The following ZNF618 variants were observed in gnomAD, a reference collection of about 807,000 sequenced individuals.
ZNF618 encodes zinc finger protein 618.
In ZNF618, 34 loss-of-function variants were observed where a neutral mutation model predicts 103.0. The ratio of observed to expected loss-of-function variants is 0.33; its 90% confidence interval spans 0.25 to 0.44. The LOEUF is 0.44. Ranked by LOEUF, ZNF618 falls within the 20% of genes least tolerant of loss-of-function variation. The pLI is 1.00. For missense variants in ZNF618, 1,059 were observed against 1,295.4 expected, an observed-to-expected ratio of 0.82 and a Z score of 2.80; for synonymous variants, 551 against 542.2, an observed-to-expected ratio of 1.02 and a Z score of -0.23.
chr9:114,017,046 T>C (rs924340680), intron 10 of ZNF618, among the ~76,000 whole-genome samples: 7 of 152,024 alleles, frequency 4.6e-5, no homozygotes, highest in African/African-American at 1.7e-4. Flanking sequence ...ATGATTGGGG[T>C]GAGGAGGGTG....
At chr9:113,988,280 C>A (rs781606985) in intron 2 of ZNF618, 41 bp from the exon 3 acceptor site, 29 of 1,578,558 alleles carry the variant, frequency 1.8e-5, no homozygotes, top group Non-Finnish European at 2.5e-5. Context: ...CTGTGTTGAT[C>A]TGGAGGAAGA....
At chr9:113,977,709 C>G (rs1367947277) in intron 2 of ZNF618, among the ~76,000 whole-genome samples, 2 of 152,158 alleles carry the variant, frequency 1.3e-5, no homozygotes, top group Non-Finnish European at 2.9e-5. Context: ...TTTAAAATGC[C>G]ATTAACACTG....
At chr9:113,887,744 T>A (rs1829214954) in intron 1 of ZNF618, among the ~76,000 whole-genome samples, 1 of 152,196 alleles carries the variant, frequency 6.6e-6, no homozygotes, top group Admixed American at 6.5e-5. Context: ...CCCAGGCGGG[T>A]AGCAGCAGTC....
chr9:114,047,812 CA>C lies in ZNF618; in HGVS notation c.1247-80del, dbSNP rs1274972912. 22 of 1,236,818 alleles carry C rather than the reference CA, an allele frequency of 1.8e-5. No homozygotes were observed. In the African/African-American group the frequency reaches 2.7e-4, roughly 15 times the overall value. The allele number at this position is 1,236,818 out of a possible 1,614,324, so 76.6% of individuals were successfully genotyped here. A position where few individuals can be genotyped will look rare whatever the true frequency, so the allele number is the denominator to read the frequency against. ...CCAATGGCCACATTCTGCTGTTACCCACCACACTCTAGTTCTCATCTCGTTC... is the reference window on the plus strand; with the variant it reads ...CCAATGGCCACATTCTGCTGTTACCCCCACACTCTAGTTCTCATCTCGTTC... On this transcript the variant is annotated intron_variant, in intron 13 of 14. Transcript: ENST00000374126.
At chr9:113,989,510 T>C (rs1839820917) in intron 3 of ZNF618, among the ~76,000 whole-genome samples, 1 of 152,204 alleles carries the variant, frequency 6.6e-6, no homozygotes, top group Non-Finnish European at 1.5e-5. Flanking sequence ...TCCTCATTCC[T>C]GGCGTGGAGG....
intron 1 of ZNF618, among the ~76,000 whole-genome samples, chr9:113,889,149 A>G (rs554297223): frequency 3.4e-4 from 52 of 152,262 alleles, no homozygotes; most frequent in South Asian, 1.4e-3. Flanking sequence ...TGGGCTAGGA[A>G]TTTGGCAGTG....
intron 9 of ZNF618, among the ~76,000 whole-genome samples, chr9:114,013,575 C>T (rs1428587406): frequency 4.6e-5 from 7 of 152,274 alleles, no homozygotes; most frequent in Middle Eastern, 3.4e-3. Flanking sequence ...GGACTACAGG[C>T]GCCCGCCACC....
chr9:113,967,530 G>A (rs1202076439), intron 1 of ZNF618, among the ~76,000 whole-genome samples: 1 of 152,166 alleles, frequency 6.6e-6, no homozygotes, highest in Non-Finnish European at 1.5e-5. Flanking sequence ...TCTCCTGAAT[G>A]TCGGTGGGAA....
At chr9:114,011,559 A>G (rs748663804) in intron 9 of ZNF618, among the ~76,000 whole-genome samples, 10 of 152,232 alleles carry the variant, frequency 6.6e-5, no homozygotes, top group Non-Finnish European at 1.0e-4. Context: ...TTGTGAGACA[A>G]AAACGTTGCT....
chr9:113,923,101 C>T (rs937901310), intron 1 of ZNF618, among the ~76,000 whole-genome samples: 2 of 152,094 alleles, frequency 1.3e-5, no homozygotes, highest in African/African-American at 4.8e-5. Context: ...GATCCCAGTT[C>T]TTCATTGCTG....
At chr9:113,894,325 C>T (rs1455426818) in intron 1 of ZNF618, among the ~76,000 whole-genome samples, 2 of 152,150 alleles carry the variant, frequency 1.3e-5, no homozygotes, top group African/African-American at 4.8e-5. Context: ...CATATTTGTG[C>T]CAACTATGGG....
intron 3 of ZNF618, among the ~76,000 whole-genome samples, chr9:113,996,639 G>A (rs772907568): frequency 3.3e-5 from 5 of 152,174 alleles, no homozygotes; most frequent in African/African-American, 7.2e-5. Flanking sequence ...TTGGGATGGC[G>A]ACTGTTGCAT....
intron 3 of ZNF618, among the ~76,000 whole-genome samples, chr9:113,989,407 C>G (rs564049348): frequency 6.6e-6 from 1 of 152,312 alleles, no homozygotes; most frequent in Non-Finnish European, 1.5e-5. Context: ...ATGTTGCAAC[C>G]AATTGACCTT....
chr9:113,914,035 T>C (rs2089042792), intron 1 of ZNF618, among the ~76,000 whole-genome samples: 1 of 152,160 alleles, frequency 6.6e-6, no homozygotes, highest in Non-Finnish European at 1.5e-5. Flanking sequence ...GAATTTTGTT[T>C]ATTCAGCCTC....
intron 1 of ZNF618, among the ~76,000 whole-genome samples, chr9:113,914,260 G>T (rs551221156): frequency 6.2e-4 from 94 of 152,248 alleles, no homozygotes; most frequent in East Asian, 5.8e-4. Flanking sequence ...TTCTAAGTCG[G>T]GTTTCCTTAA....
rs757067182 is a variant in ZNF618 at position 113,998,376 on chromosome 9, G to GTGCC, written c.433+25_433+28dup. 8.3e-5 allele frequency: 128 copies of GTGCC among 1,546,814 alleles called. No individual in the cohort carries two copies. In the African/African-American group the frequency reaches 1.4e-3, roughly 17 times the overall value. ...TCTGGTACGTGATGGCCAAGGGGTA[G>GTGCC]TGCCTGATCCGGGGCCAGTATGGGT... On this transcript the variant is annotated intron_variant, in intron 4 of 14. Transcript: ENST00000374126.
At chr9:113,977,584 G>A (rs986674177) in intron 2 of ZNF618, among the ~76,000 whole-genome samples, 2 of 152,160 alleles carry the variant, frequency 1.3e-5, no homozygotes, top group African/African-American at 4.8e-5. Context: ...CCTGTCTGTT[G>A]GGGATATTCT....
At chr9:113,923,352 A>G (rs1832810612) in intron 1 of ZNF618, among the ~76,000 whole-genome samples, 1 of 152,106 alleles carries the variant, frequency 6.6e-6, no homozygotes, top group Admixed American at 6.5e-5. Flanking sequence ...ATGAGAGAGG[A>G]CATCTTTGCC....
At chr9:113,954,763 G>A (rs1341453204) in intron 1 of ZNF618, among the ~76,000 whole-genome samples, 1 of 152,134 alleles carries the variant, frequency 6.6e-6, no homozygotes, top group East Asian at 1.9e-4. Context: ...TTGCTCTCTG[G>A]CCTTCAAAAG....
Sources: allele counts gnomAD v4.1 joint callset (sites outside exome capture counted in the v4.1 genomes callset), GRCh38; gene constraint gnomAD v4.1.1; transcripts MANE v1.5; gene names NCBI Gene and HGNC (gene_info 2026-07-23, HGNC 2026-07-21).